Variants in CNTN5 observed in about 807,000 individuals in gnomAD.
CNTN5 encodes contactin 5, also known as contactin-5.
Under a neutral mutation model 129.1 loss-of-function variants are expected in CNTN5, and 77 were observed. The observed-to-expected ratio is 0.60, with a 90% CI of 0.50 to 0.72. CNTN5 has a LOEUF of 0.72. Among genes scored for constraint, CNTN5 ranks in the 30% least tolerant of loss-of-function variants. CNTN5 has a pLI of 0.00. For synonymous variants in CNTN5, 509 were observed against 465.6 expected (o/e 1.09, Z -1.20); for missense variants, 1,478 against 1,328.8 (o/e 1.11, Z -1.75).
rs76689891 is a variant in CNTN5 at position 99,756,428 on chromosome 11, C to T, written c.56-63116C>T. The stretch of plus-strand genomic sequence containing the variant: ...TTCACAGACAATTTTCTGTTATTTT[C>T]CTGCCAATATAAATACCAAAGACTA... On this transcript the variant is annotated intron_variant, in intron 3 of 24. Coordinates refer to ENST00000524871, the MANE Select transcript of CNTN5 (RefSeq NM_014361.4). 0.011 allele frequency among the ~76,000 whole-genome samples: 1,616 copies of T among 152,066 alleles called. 66 individuals carry two copies. The East Asian group carries it at 0.13, about 12-fold the overall frequency.
intron 13 of CNTN5, among the ~76,000 whole-genome samples, chr11:100,145,995 G>T (rs1026910666): frequency 6.6e-6 from 1 of 152,162 alleles, no homozygotes; most frequent in Non-Finnish European, 1.5e-5. Flanking sequence ...ATCTTAATGT[G>T]TGAGATATTT....
chr11:99,879,702 A>G (rs936001806), intron 6 of CNTN5, among the ~76,000 whole-genome samples: 1 of 152,208 alleles, frequency 6.6e-6, no homozygotes, highest in Non-Finnish European at 1.5e-5. Context: ...TATGTCAAAT[A>G]GTATTAACAC....
intron 1 of CNTN5, among the ~76,000 whole-genome samples, chr11:99,171,995 A>G (rs1861170470): frequency 6.6e-6 from 1 of 152,212 alleles, no homozygotes; most frequent in Admixed American, 6.5e-5. Context: ...CAAAGTGAGC[A>G]ATTTCATTTT....
intron 13 of CNTN5, among the ~76,000 whole-genome samples, chr11:100,144,786 T>G (rs1946797883): frequency 6.6e-6 from 1 of 152,014 alleles, no homozygotes; most frequent in Admixed American, 6.6e-5. Flanking sequence ...AAGGGAACAT[T>G]ATTCTTGTAT....
chr11:99,166,445 T>A (rs1031702421), intron 1 of CNTN5, among the ~76,000 whole-genome samples: 2 of 148,306 alleles, frequency 1.3e-5, no homozygotes, highest in Non-Finnish European at 3.0e-5. Flanking sequence ...CTCCAAAGGG[T>A]TTGAGCATAG....
At chr11:99,733,711 G>A (rs10893814) in intron 3 of CNTN5, among the ~76,000 whole-genome samples, 43,348 of 152,008 alleles carry the variant, frequency 0.29, 6,538 homozygotes, top group East Asian at 0.52. Flanking sequence ...GATGGAGGGC[G>A]GTGAGGGGAC....
intron 4 of CNTN5, among the ~76,000 whole-genome samples, chr11:99,842,069 A>T (rs903393078): frequency 6.6e-6 from 1 of 151,730 alleles, no homozygotes; most frequent in Non-Finnish European, 1.5e-5. Context: ...CTAATTTTGT[A>T]TGTTTAGTAC....
chr11:99,215,230 G>A (rs1270753414), intron 1 of CNTN5, among the ~76,000 whole-genome samples: 1 of 151,980 alleles, frequency 6.6e-6, no homozygotes, highest in African/African-American at 2.4e-5. Flanking sequence ...TGGTTTTTAG[G>A]TCTACTAAAA....
intron 13 of CNTN5, among the ~76,000 whole-genome samples, chr11:100,147,013 CCT>C (rs1946872522): frequency 6.6e-6 from 1 of 152,248 alleles, no homozygotes; most frequent in East Asian, 1.9e-4. Context: ...CTAGCATAAT[CCT>C]CTGTTTCACA....
At chr11:99,300,071 T>C (rs1864564453) in intron 1 of CNTN5, among the ~76,000 whole-genome samples, 1 of 152,096 alleles carries the variant, frequency 6.6e-6, no homozygotes, top group South Asian at 2.1e-4. Context: ...TTTTTTGACT[T>C]TTTAATAATA....
intron 2 of CNTN5, among the ~76,000 whole-genome samples, chr11:99,490,390 C>T (rs1046939004): frequency 6.6e-6 from 1 of 152,122 alleles, no homozygotes; most frequent in Admixed American, 6.5e-5. Context: ...TGCTTACAAA[C>T]ATAATTTTTA....
rs534957738 is a variant in CNTN5 at position 100,048,468 on chromosome 11, G to T, written c.981-12744G>T. 9.0e-4 allele frequency among the ~76,000 whole-genome samples: 137 copies of T among 152,114 alleles called. 1 individual carries two copies. The highest frequency in any genetic ancestry group is 1.6e-3 in the Non-Finnish European group (111 of 68,008). ...TATAAATCTATCTCTTGTTGATTCT[G>T]TTTCCCTGGAGAACTCTAATACAGT... On this transcript the variant is annotated intron_variant, in intron 9 of 24. Transcript: ENST00000524871.
chr11:99,540,678 A>AGTCAGGATCTCCCTGCCC (rs1565275849), intron 2 of CNTN5, among the ~76,000 whole-genome samples: 1 of 152,202 alleles, frequency 6.6e-6, no homozygotes, highest in East Asian at 1.9e-4. Context: ...AATGAAGAGC[A>AGTCAGGATCTCCCTGCCC]TCTTAAGTTT....
chr11:99,380,596 C>T (rs552898789), intron 2 of CNTN5, among the ~76,000 whole-genome samples: 8 of 151,352 alleles, frequency 5.3e-5, no homozygotes, highest in Non-Finnish European at 1.0e-4. Flanking sequence ...ATGGTGAGAC[C>T]CTGTCTCTAT....
chr11:99,157,625 A>T (rs1860398653), intron 1 of CNTN5, among the ~76,000 whole-genome samples: 1 of 152,130 alleles, frequency 6.6e-6, no homozygotes, highest in Non-Finnish European at 1.5e-5. Context: ...ATAAGAGGAC[A>T]TTAAGGTTTG....
At chr11:99,399,217 A>C (rs1941677961) in intron 2 of CNTN5, among the ~76,000 whole-genome samples, 1 of 151,666 alleles carries the variant, frequency 6.6e-6, no homozygotes. Flanking sequence ...ATTCATATAG[A>C]TATTGTCTAT....
chr11:99,383,148 C>A (rs954138207), intron 2 of CNTN5, among the ~76,000 whole-genome samples: 1 of 151,972 alleles, frequency 6.6e-6, no homozygotes, highest in South Asian at 2.1e-4. Context: ...AGCCACCACG[C>A]CTGGCCTCTA....
chr11:99,654,408 T>G (rs544362628), intron 3 of CNTN5, among the ~76,000 whole-genome samples: 3 of 152,078 alleles, frequency 2.0e-5, no homozygotes, highest in African/African-American at 7.2e-5. Flanking sequence ...TGGATGGGAT[T>G]AGGCAAAGGT....
intron 9 of CNTN5, among the ~76,000 whole-genome samples, chr11:100,040,559 C>A (rs184445857): frequency 2.6e-5 from 4 of 152,204 alleles, no homozygotes; most frequent in Non-Finnish European, 5.9e-5. Flanking sequence ...CTGTGCCCTG[C>A]CCCCAGAGGT....
Sources: allele counts gnomAD v4.1 joint callset (sites outside exome capture counted in the v4.1 genomes callset), GRCh38; gene constraint gnomAD v4.1.1; transcripts MANE v1.5; gene names NCBI Gene and HGNC (gene_info 2026-07-23, HGNC 2026-07-21).